Variants in ASPH observed in about 807,000 individuals in gnomAD.
The protein encoded by ASPH is aspartyl/asparaginyl beta-hydroxylase.
Under a neutral mutation model 118.4 loss-of-function variants are expected in ASPH, and 100 were observed. That is an observed-to-expected ratio of 0.84 (90% confidence interval 0.72 to 1.00). The LOEUF (loss-of-function observed/expected upper bound fraction) is 1.00, where lower values mean the gene tolerates loss of function less well. Among genes scored for constraint, ASPH ranks in the 50% least tolerant of loss-of-function variants. The pLI is 0.00. For missense variants in ASPH, 920 were observed against 919.5 expected (o/e 1.00, Z -0.01); for synonymous variants, 315 against 325.6 (o/e 0.97, Z 0.35).
chr8:61,503,643 G>T, intron 24 of ASPH, 134 bp from the exon 25 acceptor site: 1 of 807,510 alleles, frequency 1.2e-6, no homozygotes, highest in Non-Finnish European at 1.8e-6. Context: ...AGAACATCAA[G>T]CCCAAGTTTA....
At chr8:61,654,589 T>A (rs1250100282) in intron 3 of ASPH, among the ~76,000 whole-genome samples, 3 of 152,132 alleles carry the variant, frequency 2.0e-5, no homozygotes, top group Non-Finnish European at 4.4e-5. Flanking sequence ...GTCTGGAAAA[T>A]TTTCATTTCG....
chr8:61,604,399 A>G (rs1844973500), intron 14 of ASPH, among the ~76,000 whole-genome samples: 1 of 152,264 alleles, frequency 6.6e-6, no homozygotes, highest in African/African-American at 2.4e-5. Flanking sequence ...AGGAAAATTT[A>G]GATTTGAAAA....
intron 12 of ASPH, among the ~76,000 whole-genome samples, chr8:61,635,436 A>C (rs1857305610): frequency 6.6e-6 from 1 of 151,956 alleles, no homozygotes; most frequent in African/African-American, 2.4e-5. Context: ...AACTCACCCA[A>C]CTAGCTCAGG....
intron 10 of ASPH, among the ~76,000 whole-genome samples, chr8:61,640,187 T>G (rs1220597826): frequency 6.6e-6 from 1 of 152,154 alleles, no homozygotes; most frequent in African/African-American, 2.4e-5. Flanking sequence ...GAAACTCATC[T>G]CCTTTGGTTC....
intron 1 of ASPH, among the ~76,000 whole-genome samples, chr8:61,696,308 G>A (rs571242720): frequency 6.6e-6 from 1 of 152,306 alleles, no homozygotes; most frequent in South Asian, 2.1e-4. Flanking sequence ...ATTTTCATCA[G>A]TATTAGTAAA....
intron 19 of ASPH, among the ~76,000 whole-genome samples, chr8:61,555,017 A>G (rs1439566258): frequency 2.0e-5 from 3 of 152,124 alleles, no homozygotes; most frequent in Non-Finnish European, 2.9e-5. Flanking sequence ...CCTGGCCCAC[A>G]GCAGAAAATT....
chr8:61,662,885 C>T, intron 3 of ASPH: 1 of 984,454 alleles, frequency 1.0e-6, no homozygotes, highest in Non-Finnish European at 1.2e-6. Context: ...TTAGGTTATT[C>T]CAAAATATTT....
chr8:61,600,677 G>A (rs1286459682), intron 14 of ASPH, among the ~76,000 whole-genome samples: 1 of 151,234 alleles, frequency 6.6e-6, no homozygotes, highest in East Asian at 1.9e-4. Flanking sequence ...GGTAAAAGAG[G>A]AAAATTGGAA....
rs370916817 is a variant in ASPH at position 61,565,940 on chromosome 8, T to C, written c.1300+1228A>G. On this transcript the variant is annotated intron_variant, in intron 17 of 24. Transcript: ENST00000379454. ...TATAAATGGGAAAACAAAGTCTGGATGATAGGACATCTAGCATGGTTTGTT... is the reference window on the plus strand; with the variant it reads ...TATAAATGGGAAAACAAAGTCTGGACGATAGGACATCTAGCATGGTTTGTT... Among the ~76,000 whole-genome samples, 3 of 152,192 alleles carry C rather than the reference T, an allele frequency of 2.0e-5. No homozygotes were observed. The East Asian group carries it at 5.8e-4, about 29-fold the overall frequency.
chr8:61,659,096 GCAGGAGCACATT>G (rs1221272017), intron 3 of ASPH: 1 of 152,346 alleles, frequency 6.6e-6, no homozygotes, highest in African/African-American at 2.4e-5. Flanking sequence ...ACCACACAGA[GCAGGAGCACATT>G]CAGGAGCACG....
At chr8:61,699,241 C>A (rs1426416146) in intron 1 of ASPH, among the ~76,000 whole-genome samples, 1 of 152,232 alleles carries the variant, frequency 6.6e-6, no homozygotes, top group Non-Finnish European at 1.5e-5. Flanking sequence ...GCGGCCTTCA[C>A]CCTAACAGCA....
intron 4 of ASPH, 34 bp downstream of exon 4, chr8:61,653,534 C>A: frequency 6.2e-7 from 1 of 1,604,266 alleles, no homozygotes; most frequent in Non-Finnish European, 8.5e-7. Flanking sequence ...CTCTGGCACA[C>A]CTGGGCGAGA....
At chr8:61,534,334 T>G (rs1393535935) in intron 21 of ASPH, among the ~76,000 whole-genome samples, 4 of 152,208 alleles carry the variant, frequency 2.6e-5, no homozygotes, top group Non-Finnish European at 5.9e-5. Flanking sequence ...AATCTTGTAA[T>G]ATGTAATCCA....
intron 14 of ASPH, among the ~76,000 whole-genome samples, chr8:61,587,292 G>A (rs1334124197): frequency 6.6e-6 from 1 of 152,174 alleles, no homozygotes; most frequent in Non-Finnish European, 1.5e-5. Context: ...TGCTGATATG[G>A]AAAATGAATA....
intron 22 of ASPH, among the ~76,000 whole-genome samples, chr8:61,521,108 A>T (rs1812811843): frequency 6.6e-6 from 1 of 152,184 alleles, no homozygotes; most frequent in Non-Finnish European, 1.5e-5. Flanking sequence ...ACTCTGCATG[A>T]TGAGAGTGCC....
At chr8:61,612,003 A>G (rs2133939837) in intron 14 of ASPH, among the ~76,000 whole-genome samples, 1 of 151,532 alleles carries the variant, frequency 6.6e-6, no homozygotes, top group South Asian at 2.1e-4. Flanking sequence ...ATGCAAAAAA[A>G]ATAGGAATCA....
At chr8:61,662,147 T>C (rs1047176317) in intron 3 of ASPH, among the ~76,000 whole-genome samples, 7 of 152,146 alleles carry the variant, frequency 4.6e-5, no homozygotes, top group African/African-American at 1.4e-4. Context: ...GAAAAATTGA[T>C]TAGCACTCAA....
At chr8:61,639,836 A>C (rs1254046777) in intron 10 of ASPH, among the ~76,000 whole-genome samples, 1 of 152,174 alleles carries the variant, frequency 6.6e-6, no homozygotes, top group African/African-American at 2.4e-5. Context: ...GCTTGACTCC[A>C]GTCTCTCCCA....
intron 18 of ASPH, 65 bp downstream of exon 18, chr8:61,562,679 T>G: frequency 1.4e-6 from 2 of 1,417,892 alleles, no homozygotes; most frequent in Non-Finnish European, 1.9e-6. Flanking sequence ...CTGGGTATAA[T>G]AAATGTAATT....
Sources: allele counts gnomAD v4.1 joint callset (sites outside exome capture counted in the v4.1 genomes callset), GRCh38; gene constraint gnomAD v4.1.1; transcripts MANE v1.5; gene names NCBI Gene and HGNC (gene_info 2026-07-23, HGNC 2026-07-21).